APBB2: variants seen among roughly 807,000 people sequenced by gnomAD.
APBB2 encodes the protein amyloid beta precursor protein binding family B member 2.
APBB2 carries 38 observed loss-of-function variants against 82.5 expected under a neutral mutation model. The ratio of observed to expected loss-of-function variants is 0.46; its 90% CI spans 0.36 to 0.60. The LOEUF is 0.60. APBB2 is among the 20% of genes least tolerant of loss of function. The probability of loss-of-function intolerance (pLI) is 0.00; values close to 1 mark genes in which losing one functional copy is unlikely to be tolerated. For missense variants in APBB2, 772 were observed against 972.3 expected (o/e 0.79, Z 2.74); for synonymous variants, 341 against 368.2 (o/e 0.93, Z 0.85).
rs1033601126 is a variant in APBB2 at position 40,908,890 on chromosome 4, C to A, written c.1255-15479G>T. On this transcript the variant is annotated intron_variant, in intron 10 of 17. Coordinates refer to ENST00000508593, the MANE Select transcript of APBB2 (RefSeq NM_004307.2). Reference sequence around the variant, plus strand: ...GGCACCATCACCCAACACCTGCTAACAGATCACTGGAGGCAAGGAGGCCTA... The same window carrying A: ...GGCACCATCACCCAACACCTGCTAAAAGATCACTGGAGGCAAGGAGGCCTA... 2.0e-5 allele frequency among the ~76,000 whole-genome samples: 3 copies of A among 152,228 alleles called. No homozygotes were observed. The East Asian group carries it at 5.8e-4, about 29-fold the overall frequency.
At chr4:40,904,246 C>T (rs1462511877) in intron 10 of APBB2, among the ~76,000 whole-genome samples, 1 of 152,092 alleles carries the variant, frequency 6.6e-6, no homozygotes, top group African/African-American at 2.4e-5. Flanking sequence ...GCCTGGCCAA[C>T]ATGGCGAAAC....
chr4:40,968,424 T>C (rs1056748796), intron 6 of APBB2, among the ~76,000 whole-genome samples: 3 of 152,182 alleles, frequency 2.0e-5, no homozygotes, highest in African/African-American at 4.8e-5. Context: ...TGACTGCTTG[T>C]TGTGACTACA....
chr4:40,927,132 A>G (rs1782816333), intron 10 of APBB2, among the ~76,000 whole-genome samples: 1 of 150,174 alleles, frequency 6.7e-6, no homozygotes, highest in Non-Finnish European at 1.5e-5. Flanking sequence ...TGACACATTC[A>G]TTTGAAAGAT....
intron 16 of APBB2, among the ~76,000 whole-genome samples, chr4:40,822,989 C>T (rs1748536192): frequency 6.6e-6 from 1 of 152,168 alleles, no homozygotes; most frequent in Admixed American, 6.5e-5. Context: ...GAGCACCCTG[C>T]TCCTCTCTCC....
chr4:40,881,550 T>TTC (rs1169071862), intron 12 of APBB2: 1 of 239,228 alleles, frequency 4.2e-6, no homozygotes, highest in African/African-American at 2.4e-5. Flanking sequence ...TTTTTTTTTT[T>TTC]TGATACAGAC....
At chr4:41,195,513 C>A in intron 1 of APBB2, among the ~76,000 whole-genome samples, 1 of 152,152 alleles carries the variant, frequency 6.6e-6, no homozygotes, top group Non-Finnish European at 1.5e-5. Context: ...GATTACCACA[C>A]AAGAGCCTCG....
At chr4:40,893,152 A>T (rs1346717466) in intron 11 of APBB2, 113 bp downstream of exon 11, 1 of 1,306,060 alleles carries the variant, frequency 7.7e-7, no homozygotes. Flanking sequence ...GGGAAAAGGC[A>T]CCTGATGAAC....
intron 6 of APBB2, among the ~76,000 whole-genome samples, chr4:40,952,745 G>C (rs1185627725): frequency 6.6e-6 from 1 of 152,176 alleles, no homozygotes; most frequent in Non-Finnish European, 1.5e-5. Flanking sequence ...GTGGAATCCA[G>C]GTCCTTCAGG....
At chr4:41,163,914 A>C (rs1393277512) in intron 1 of APBB2, among the ~76,000 whole-genome samples, 1 of 152,206 alleles carries the variant, frequency 6.6e-6, no homozygotes, top group African/African-American at 2.4e-5. Context: ...TTCAACCTAC[A>C]TGAAATATAA....
intron 6 of APBB2, among the ~76,000 whole-genome samples, chr4:40,965,604 T>C (rs1794486080): frequency 6.6e-6 from 1 of 152,230 alleles, no homozygotes; most frequent in African/African-American, 2.4e-5. Context: ...GTCAAAATGA[T>C]ATTTTTTATA....
chr4:41,150,013 A>G (rs1761830515), intron 1 of APBB2, among the ~76,000 whole-genome samples: 1 of 152,186 alleles, frequency 6.6e-6, no homozygotes, highest in Admixed American at 6.5e-5. Context: ...GTATTTCTTC[A>G]TACCAGTATG....
At chr4:41,036,323 G>A (rs1324478057) in intron 4 of APBB2, among the ~76,000 whole-genome samples, 1 of 152,106 alleles carries the variant, frequency 6.6e-6, no homozygotes, top group Non-Finnish European at 1.5e-5. Flanking sequence ...TGTCCTTAGT[G>A]TATATAATCC....
At chr4:40,869,175 C>G (rs1051346991) in intron 12 of APBB2, among the ~76,000 whole-genome samples, 1 of 152,176 alleles carries the variant, frequency 6.6e-6, no homozygotes, top group Non-Finnish European at 1.5e-5. Flanking sequence ...ATTACAGGCA[C>G]CTGCCTGTAA....
intron 10 of APBB2, among the ~76,000 whole-genome samples, chr4:40,932,790 G>C (rs1306724380): frequency 6.6e-6 from 1 of 152,236 alleles, no homozygotes; most frequent in Non-Finnish European, 1.5e-5. Context: ...GCAGGGGGAA[G>C]ACGCTACAAA....
intron 4 of APBB2, among the ~76,000 whole-genome samples, chr4:41,060,941 T>C (rs951336914): frequency 7.9e-5 from 12 of 152,204 alleles, no homozygotes; most frequent in East Asian, 7.7e-4. Context: ...TCATGAGTAA[T>C]GGGTAATAAA....
intron 2 of APBB2, among the ~76,000 whole-genome samples, chr4:41,108,536 G>C (rs1748060778): frequency 6.6e-6 from 1 of 152,168 alleles, no homozygotes; most frequent in Admixed American, 6.5e-5. Context: ...AGAAGAGGTA[G>C]GTCTTCAAGG....
At chr4:40,839,328 G>A (rs1755048173) in intron 12 of APBB2, among the ~76,000 whole-genome samples, 1 of 151,878 alleles carries the variant, frequency 6.6e-6, no homozygotes, top group South Asian at 2.1e-4. Context: ...TTCTGGAGTG[G>A]CACAGAACAA....
At chr4:41,171,110 T>A (rs1300285474) in intron 1 of APBB2, among the ~76,000 whole-genome samples, 1 of 152,216 alleles carries the variant, frequency 6.6e-6, no homozygotes, top group African/African-American at 2.4e-5. Context: ...AACTCCTGTC[T>A]AGACCCCCTC....
At chr4:40,888,550 C>T (rs1770992933) in intron 12 of APBB2, among the ~76,000 whole-genome samples, 1 of 149,928 alleles carries the variant, frequency 6.7e-6, no homozygotes, top group African/African-American at 2.5e-5. Flanking sequence ...CACACTTTGG[C>T]CCCTGTCTCG....
Sources: allele counts gnomAD v4.1 joint callset (sites outside exome capture counted in the v4.1 genomes callset), GRCh38; gene constraint gnomAD v4.1.1; transcripts MANE v1.5; gene names NCBI Gene and HGNC (gene_info 2026-07-23, HGNC 2026-07-21).